The following FBXO4 variants were observed in gnomAD, a reference collection of about 807,000 sequenced individuals.
FBXO4 encodes the protein F-box only protein 4.
FBXO4 carries 36 observed loss-of-function variants against 43.7 expected under a neutral mutation model. That is an observed-to-expected ratio of 0.82 (90% CI 0.63 to 1.09). The LOEUF is 1.09. Ranked by LOEUF, FBXO4 falls within the 50% of genes least tolerant of loss-of-function variation. The pLI is 0.00. For missense variants in FBXO4, 435 were observed against 474.1 expected (o/e 0.92, Z 0.77); for synonymous variants, 180 against 165.6 (o/e 1.09, Z -0.67).
At chr5:41,947,631 A>C in the FBXO4 span, among the ~76,000 whole-genome samples, 3 of 152,246 alleles carry the variant, frequency 2.0e-5, no homozygotes, top group Admixed American at 2.0e-4. Flanking sequence ...CTAGAAGTAC[A>C]TTCAAGCATT....
chr5:42,025,000 C>T, the FBXO4 span, among the ~76,000 whole-genome samples: 5 of 151,822 alleles, frequency 3.3e-5, no homozygotes, highest in East Asian at 5.8e-4. Flanking sequence ...TGAACAGTGC[C>T]GCAACAAATA....
At chr5:42,021,062 T>G in the FBXO4 span, among the ~76,000 whole-genome samples, 11 of 152,184 alleles carry the variant, frequency 7.2e-5, no homozygotes, top group African/African-American at 2.4e-4. Context: ...GTCCTGTAGG[T>G]CACAACTAGG....
the FBXO4 span, among the ~76,000 whole-genome samples, chr5:42,007,024 T>G: frequency 2.0e-5 from 3 of 149,792 alleles, no homozygotes; most frequent in Non-Finnish European, 3.0e-5. Context: ...ATACAATACT[T>G]ATTATGTGTT....
the FBXO4 span, among the ~76,000 whole-genome samples, chr5:42,029,470 G>T: frequency 2.0e-3 from 306 of 151,838 alleles, 4 homozygotes; most frequent in Admixed American, 0.015. Context: ...CTTGTAATTG[G>T]ATGTTGCTAT....
At chr5:41,994,964 A>G in the FBXO4 span, among the ~76,000 whole-genome samples, 1 of 152,150 alleles carries the variant, frequency 6.6e-6, no homozygotes, top group Non-Finnish European at 1.5e-5. Flanking sequence ...AAACACTACC[A>G]TATACTGGGT....
At chr5:41,993,681 TA>T in the FBXO4 span, among the ~76,000 whole-genome samples, 6 of 149,792 alleles carry the variant, frequency 4.0e-5, no homozygotes, top group Admixed American at 2.0e-4. Flanking sequence ...GGACGTTTAT[TA>T]AGTATTAATT....
the FBXO4 span, among the ~76,000 whole-genome samples, chr5:42,010,356 A>C: frequency 6.6e-6 from 1 of 151,986 alleles, no homozygotes; most frequent in South Asian, 2.1e-4. Context: ...AAGAAAAAAA[A>C]ACTTAGCCGG....
rs186620040 is a variant in FBXO4, at chr5:41,928,216, A to T, written c.425+968A>T. On this transcript the variant is annotated intron_variant, in intron 2 of 6. Transcript: ENST00000281623. The stretch of plus-strand genomic sequence containing the variant: ...TACCTGTACAATAGCTAACCATTGC[A>T]TCAAGTGTATATGAGGCTGTGGAAT... 5.0e-3 allele frequency among the ~76,000 whole-genome samples: 764 copies of T among 152,356 alleles called. 6 individuals are homozygous for T. The highest frequency in any genetic ancestry group is 0.01 in the Middle Eastern group (3 of 294).
chr5:41,998,548 A>C, the FBXO4 span, among the ~76,000 whole-genome samples: 2 of 152,208 alleles, frequency 1.3e-5, no homozygotes, highest in Admixed American at 6.5e-5. Flanking sequence ...ATAAATTATT[A>C]GAACCTTTTG....
chr5:42,003,809 C>G, the FBXO4 span, among the ~76,000 whole-genome samples: 10 of 152,118 alleles, frequency 6.6e-5, no homozygotes, highest in East Asian at 7.8e-4. Context: ...TTGTGGAAGA[C>G]AGTGTGGTGA....
chr5:41,956,947 G>C, the FBXO4 span, among the ~76,000 whole-genome samples: 1 of 151,454 alleles, frequency 6.6e-6, no homozygotes, highest in South Asian at 2.1e-4. Context: ...CCTGACCTTA[G>C]GTGATCCACC....
the FBXO4 span, among the ~76,000 whole-genome samples, chr5:42,023,723 A>G: frequency 0.016 from 2,404 of 151,542 alleles, 120 homozygotes; most frequent in East Asian, 0.1. Flanking sequence ...AATAATATGA[A>G]CCCCCATCTG....
the FBXO4 span, among the ~76,000 whole-genome samples, chr5:41,947,252 C>T: frequency 6.6e-6 from 1 of 152,128 alleles, no homozygotes; most frequent in African/African-American, 2.4e-5. Flanking sequence ...TTCTTAACTA[C>T]CTTCATCAAT....
the FBXO4 span, among the ~76,000 whole-genome samples, chr5:41,966,253 A>C: frequency 1.3e-5 from 2 of 152,206 alleles, no homozygotes; most frequent in African/African-American, 2.4e-5. Flanking sequence ...ATATGTAACT[A>C]ACCTGCACGT....
chr5:42,031,644 A>G, the FBXO4 span, among the ~76,000 whole-genome samples: 69 of 152,132 alleles, frequency 4.5e-4, no homozygotes, highest in Non-Finnish European at 8.2e-4. Context: ...AAACAAAAAA[A>G]GAAAGGTCAC....
the FBXO4 span, among the ~76,000 whole-genome samples, chr5:41,999,980 C>T: frequency 6.6e-6 from 1 of 152,034 alleles, no homozygotes; most frequent in Non-Finnish European, 1.5e-5. Context: ...CCCCATTTCC[C>T]TCATCTCCCC....
At chr5:42,014,134 T>A in the FBXO4 span, among the ~76,000 whole-genome samples, 1 of 151,818 alleles carries the variant, frequency 6.6e-6, no homozygotes, top group African/African-American at 2.4e-5. Context: ...CAATGAGGAG[T>A]CTTCCCCATA....
At chr5:41,984,591 C>A in the FBXO4 span, among the ~76,000 whole-genome samples, 1 of 152,174 alleles carries the variant, frequency 6.6e-6, no homozygotes, top group South Asian at 2.1e-4. Flanking sequence ...TAGCTCCATA[C>A]TTTTCTTCCC....
the FBXO4 span, among the ~76,000 whole-genome samples, chr5:42,014,645 T>C: frequency 5.3e-5 from 8 of 152,128 alleles, no homozygotes; most frequent in Non-Finnish European, 1.2e-4. Context: ...ATAAGGCAAA[T>C]TACTTAGCTC....
Sources: allele counts gnomAD v4.1 joint callset (sites outside exome capture counted in the v4.1 genomes callset), GRCh38; gene constraint gnomAD v4.1.1; transcripts MANE v1.5; gene names NCBI Gene and HGNC (gene_info 2026-07-23, HGNC 2026-07-21).